Variants in PCYOX1 observed in about 807,000 individuals in gnomAD.
The protein encoded by PCYOX1 is prenylcysteine lyase.
Under a neutral mutation model 46.4 loss-of-function variants are expected in PCYOX1, and 46 were observed. The ratio of observed to expected loss-of-function variants is 0.99; its 90% CI spans 0.78 to 1.27. PCYOX1 has a LOEUF of 1.27. Ranked by LOEUF, PCYOX1 falls within the 50% of genes most tolerant of loss-of-function variation. The pLI, the probability that PCYOX1 is intolerant of heterozygous loss-of-function variation, is 0.00. For missense variants in PCYOX1, 658 were observed against 628.3 expected (o/e 1.05, Z -0.51); for synonymous variants, 220 against 231.8 (o/e 0.95, Z 0.46).
intron 3 of PCYOX1, among the ~76,000 whole-genome samples, chr2:70,268,792 A>G (rs906485159): frequency 6.7e-4 from 94 of 140,968 alleles, no homozygotes; most frequent in East Asian, 4.7e-3. Context: ...TCTGTCTCAG[A>G]AAAAAAAAAA....
chr2:70,262,653 G>C (rs1010020623), intron 3 of PCYOX1, among the ~76,000 whole-genome samples: 1 of 151,560 alleles, frequency 6.6e-6, no homozygotes, highest in Admixed American at 6.6e-5. Flanking sequence ...CTAATTTTTT[G>C]TATTTTTAGT....
At position 70,280,007 on chromosome 2, in the gene PCYOX1, G is replaced by T. The variant is rs1426561471; in HGVS notation, c.*2615G>T. 2.0e-5 allele frequency: 3 copies of T among 152,064 alleles called. No homozygotes were observed. Among genetic ancestry groups the T allele is most frequent in the African/African-American group, 7.2e-5 (3 of 41,388 alleles). 9.4% of individuals were successfully genotyped at this position (152,064 alleles called of 1,614,324 possible). ...AGGCGCGAGAATCGCTTGAACCCTG[G>T]AGATGGAGGTTGCAGTGAGCAGAGA... On this transcript the variant is annotated 3_prime_UTR_variant, in exon 6 of 6. Coordinates refer to ENST00000433351, the MANE Select transcript of PCYOX1 (RefSeq NM_016297.4).
rs747891953 is a variant in PCYOX1, at chr2:70,276,807, C to A, written c.933C>A (p.Val311=). The A allele has an allele frequency of 6.2e-7, 1 of 1,612,780 alleles. No individual in the cohort carries two copies. The highest frequency in any genetic ancestry group is 1.1e-5 in the South Asian group (1 of 91,028). ...CTCGTTCAGACTTCTATGACATCGT[C>A]TTGGTGGCCACTCCGTTGAATCGAA... ...TETRSDFYDI[V]LVATPLNRKM... Residue 311 remains valine (V), a synonymous_variant, in exon 6 of 6, where the codon GTC becomes GTA. Transcript: ENST00000433351.
At chr2:70,258,042 A>C (rs13019683), upstream of PCYOX1, 110,350 of 684,768 alleles carry the variant, frequency 0.16, 11,347 homozygotes, top group Non-Finnish European at 0.2. Context: ...CGGGGCTCGC[A>C]GGACCTGGGC....
intron 4 of PCYOX1, 107 bp downstream of exon 4, chr2:70,275,277 G>C (rs935472368): frequency 2.0e-6 from 2 of 1,017,794 alleles, no homozygotes; most frequent in Non-Finnish European, 3.0e-6. Flanking sequence ...ACTTTTCTCT[G>C]TGAACCTCAG....
chr2:70,275,144 A>G lies in PCYOX1; in HGVS notation c.680A>G (p.Gln227Arg), dbSNP rs1696652399. Reference protein sequence around the residue: ...IAPVMRVNYGQSTDINAFVGA... With the variant: ...IAPVMRVNYGRSTDINAFVGA... Reference sequence around the variant, plus strand: ...CCTGTTATGAGGGTCAATTATGGCCAAAGCACGGACATCAATGCCTTTGTG... The same window carrying G: ...CCTGTTATGAGGGTCAATTATGGCCGAAGCACGGACATCAATGCCTTTGTG... The change falls in exon 4 of 6, where the codon CAA becomes CGA. Residue 227 changes from glutamine to arginine, a missense_variant. Coordinates refer to ENST00000433351, the MANE Select transcript of PCYOX1 (RefSeq NM_016297.4). The G allele has an allele frequency of 3.7e-6, 6 of 1,613,932 alleles. No individual in the cohort carries two copies. Among genetic ancestry groups the G allele is most frequent in the Non-Finnish European group, 5.1e-6 (6 of 1,179,868 alleles).
chr2:70,260,551 C>T (rs1573976336), intron 2 of PCYOX1, among the ~76,000 whole-genome samples: 1 of 152,086 alleles, frequency 6.6e-6, no homozygotes. Context: ...AAACAAACCA[C>T]CACCAACAAA....
rs911683754 is a variant in PCYOX1, at chr2:70,258,378, C to T, written c.112+102C>T. ...ATCCCACAGCCGCGACGCAGTCCAG[C>T]GGTGCAGGCCGAGCCAGCTGCGCAG... On this transcript the variant is annotated intron_variant, in intron 1 of 5. Transcript: ENST00000433351. 2.1e-5 allele frequency: 15 copies of T among 699,990 alleles called. No individual in the cohort carries two copies. In the African/African-American group the frequency reaches 2.5e-4, roughly 12 times the overall value. The allele number at this position is 699,990 out of a possible 1,614,324, so 43.4% of individuals were successfully genotyped here. A position where few individuals can be genotyped will look rare whatever the true frequency, so the allele number is the denominator to read the frequency against.
At chr2:70,275,846 C>T (rs1346785045) in intron 5 of PCYOX1, among the ~76,000 whole-genome samples, 180 bp downstream of exon 5, 1 of 152,050 alleles carries the variant, frequency 6.6e-6, no homozygotes, top group Non-Finnish European at 1.5e-5. Context: ...TGCCTGTAAT[C>T]CCTGTACTTT....
intron 3 of PCYOX1, among the ~76,000 whole-genome samples, chr2:70,268,336 G>A (rs952539783): frequency 5.9e-5 from 9 of 152,104 alleles, no homozygotes; most frequent in Non-Finnish European, 1.0e-4. Context: ...GCCAAAATCT[G>A]TTTTGTGACT....
intron 3 of PCYOX1, among the ~76,000 whole-genome samples, chr2:70,264,278 T>C (rs957296417): frequency 1.9e-4 from 28 of 151,312 alleles, no homozygotes; most frequent in Non-Finnish European, 2.4e-4. Context: ...TTTTTTTTTT[T>C]ATCTGTGGCT....
At chr2:70,259,068 G>C (rs1696391428) in intron 1 of PCYOX1, among the ~76,000 whole-genome samples, 1 of 152,198 alleles carries the variant, frequency 6.6e-6, no homozygotes, top group Non-Finnish European at 1.5e-5. Flanking sequence ...GCATCTGGAA[G>C]GGTGTGCAGG....
chr2:70,280,122 A>G lies in PCYOX1; in HGVS notation c.*2730A>G, dbSNP rs779761615. On this transcript the variant is annotated 3_prime_UTR_variant, in exon 6 of 6. Coordinates refer to ENST00000433351, the MANE Select transcript of PCYOX1 (RefSeq NM_016297.4). The stretch of plus-strand genomic sequence containing the variant: ...TAAAAATGTTGCTGGTATTACATCA[A>G]ACCTACTCTGGATAAATTTTCCAGT... The G allele has an allele frequency of 6.6e-5, 10 of 152,214 alleles. No individual in the cohort carries two copies. Among genetic ancestry groups the G allele is most frequent in the Non-Finnish European group, 1.3e-4 (9 of 68,040 alleles). The allele number at this position is 152,214 out of a possible 1,614,324, so 9.4% of individuals were successfully genotyped here.
intron 1 of PCYOX1, among the ~76,000 whole-genome samples, chr2:70,258,822 A>G (rs1332109278): frequency 6.6e-6 from 1 of 152,244 alleles, no homozygotes; most frequent in Non-Finnish European, 1.5e-5. Context: ...TTCTCCGCCT[A>G]GGACTAACAC....
chr2:70,266,653 G>T (rs569137924), intron 3 of PCYOX1, among the ~76,000 whole-genome samples: 98 of 152,064 alleles, frequency 6.4e-4, no homozygotes, highest in African/African-American at 2.1e-3. Flanking sequence ...TGAGATTAGG[G>T]AGTGGTGATG....
chr2:70,277,193 A>T lies in PCYOX1; in HGVS notation c.1319A>T (p.Lys440Met). 1 of 1,614,068 alleles carries T rather than the reference A, an allele frequency of 6.2e-7. No individual in the cohort carries two copies. Among genetic ancestry groups the T allele is most frequent in the Non-Finnish European group, 8.5e-7 (1 of 1,179,978 alleles). Reference protein sequence around the residue: ...KKPWLAYPHYKPPEKCPSIIL... With the variant: ...KKPWLAYPHYMPPEKCPSIIL... ...CCATGGCTTGCATATCCTCACTATA[A>T]GCCCCCGGAGAAATGCCCCTCTATC... Residue 440 changes from lysine to methionine, a missense_variant, in exon 6 of 6, where the codon AAG becomes ATG. Physicochemically the swap from Lys to Met is moderately conservative, Grantham distance 95. Transcript: ENST00000433351.
At chr2:70,262,834 G>A (rs972768669) in intron 3 of PCYOX1, among the ~76,000 whole-genome samples, 4 of 152,086 alleles carry the variant, frequency 2.6e-5, no homozygotes, top group African/African-American at 9.7e-5. Flanking sequence ...GGCCAGGATC[G>A]CATCATTACA....
In PCYOX1 at chr2:70,280,958, G is replaced by C. The variant is rs1323540170; in HGVS notation, c.*3566G>C. The stretch of plus-strand genomic sequence containing the variant: ...TGCTTGGTAAGGTTTCTTAAGATTA[G>C]GTTTATAATACAACCATCTGTAATG... On this transcript the variant is annotated 3_prime_UTR_variant, in exon 6 of 6. Coordinates refer to ENST00000433351, the MANE Select transcript of PCYOX1 (RefSeq NM_016297.4). 6.6e-6 allele frequency: 1 copy of C among 152,092 alleles called. No homozygotes were observed. Among genetic ancestry groups the C allele is most frequent in the African/African-American group, 2.4e-5 (1 of 41,402 alleles). The allele number at this position is 152,092 out of a possible 1,614,324, so 9.4% of individuals were successfully genotyped here. A position where few individuals can be genotyped will look rare whatever the true frequency, so the allele number is the denominator to read the frequency against.
chr2:70,267,081 T>C (rs6546580), intron 3 of PCYOX1, among the ~76,000 whole-genome samples: 109,523 of 151,090 alleles, frequency 0.72, 40,240 homozygotes, highest in African/African-American at 0.83. Context: ...AGAGGGCGGC[T>C]GGTCAGAGAG....
Sources: allele counts gnomAD v4.1 joint callset (sites outside exome capture counted in the v4.1 genomes callset), GRCh38; gene constraint gnomAD v4.1.1; transcripts MANE v1.5; gene names NCBI Gene and HGNC (gene_info 2026-07-23, HGNC 2026-07-21).